Variants in SATB1 observed in about 807,000 individuals in gnomAD.
SATB1 encodes the protein DNA-binding protein SATB1.
Under a neutral mutation model 86.9 loss-of-function variants are expected in SATB1, and 11 were observed. The ratio of observed to expected loss-of-function variants is 0.13; its 90% confidence interval spans 0.08 to 0.21. The LOEUF (loss-of-function observed/expected upper bound fraction) is 0.21. Ranked by LOEUF, SATB1 falls within the 10% of genes least tolerant of loss-of-function variation. The pLI is 1.00. For missense variants in SATB1, 551 were observed against 937.6 expected, an observed-to-expected ratio of 0.59 and a Z score of 5.39; for synonymous variants, 357 against 357.2, an observed-to-expected ratio of 1.00 and a Z score of 0.01.
At chr3:18,418,812 A>T (rs1698243313) in intron 2 of SATB1, among the ~76,000 whole-genome samples, 1 of 152,230 alleles carries the variant, frequency 6.6e-6, no homozygotes, top group South Asian at 2.1e-4. Context: ...AGACTTTAGT[A>T]ATTTTGTTAT....
At position 18,352,484 on chromosome 3, in the gene SATB1, T is replaced by G; in HGVS notation, c.1576-289A>C. 1 of 328,592 alleles carries G rather than the reference T, an allele frequency of 3.0e-6. No individual in the cohort carries two copies. The highest frequency in any genetic ancestry group is 5.7e-6 in the Non-Finnish European group (1 of 174,884). The allele number at this position is 328,592 out of a possible 1,614,324, so 20.4% of individuals were successfully genotyped here. ...ATCACAGATTTTTTAATATATGAAA[T>G]AGGAGAAAAACAAAGTTGATGTGCT... On this transcript the variant is annotated intron_variant, in intron 9 of 10. Transcript: ENST00000338745. This position sits in a 1 kb window ranked among gnomAD's most constrained non-coding sequence, Gnocchi z 4.1.
At position 18,347,573 on chromosome 3, in the gene SATB1, A is replaced by G. The variant is rs1055843527; in HGVS notation, c.*1597T>C. 7.9e-5 allele frequency: 12 copies of G among 152,182 alleles called. No individual in the cohort carries two copies. The highest frequency in any genetic ancestry group is 4.6e-4 in the Admixed American group (7 of 15,272). The allele number at this position is 152,182 out of a possible 1,614,324, so 9.4% of individuals were successfully genotyped here. A position where few individuals can be genotyped will look rare whatever the true frequency, so the allele number is the denominator to read the frequency against. Reference sequence around the variant, plus strand: ...TTGTTACTATTAATGGCCTTTAGAAATATTTATACATTAGCTTAAGGAAAA... The same window carrying G: ...TTGTTACTATTAATGGCCTTTAGAAGTATTTATACATTAGCTTAAGGAAAA... On this transcript the variant is annotated 3_prime_UTR_variant, in exon 11 of 11. Coordinates refer to ENST00000338745, the MANE Select transcript of SATB1 (RefSeq NM_002971.6).
intron 5 of SATB1, among the ~76,000 whole-genome samples, chr3:18,401,899 G>A (rs1325914247): frequency 6.6e-6 from 1 of 152,116 alleles, no homozygotes; most frequent in Admixed American, 6.5e-5. Context: ...ACTCTAGAAT[G>A]ATACCATCTG....
intron 5 of SATB1, chr3:18,409,135 C>T (rs1029947972): frequency 6.6e-6 from 1 of 152,014 alleles, no homozygotes; most frequent in African/African-American, 2.4e-5. Context: ...GTTAAGCACT[C>T]TCTAAATTGG....
At chr3:18,360,781 T>C (rs1437169365) in intron 9 of SATB1, among the ~76,000 whole-genome samples, 1 of 152,130 alleles carries the variant, frequency 6.6e-6, no homozygotes, top group Non-Finnish European at 1.5e-5. Context: ...CAAAAGGTCT[T>C]ATAAACTTTA....
At chr3:18,410,533 A>T (rs776014182) in intron 5 of SATB1, among the ~76,000 whole-genome samples, 1 of 152,032 alleles carries the variant, frequency 6.6e-6, no homozygotes, top group Admixed American at 6.6e-5. Flanking sequence ...GGCGCTCTCG[A>T]TACATCAAAA....
chr3:18,356,372 T>G (rs886259631), intron 9 of SATB1, among the ~76,000 whole-genome samples: 5 of 150,048 alleles, frequency 3.3e-5, no homozygotes, highest in African/African-American at 4.9e-5. Flanking sequence ...TAAATAACAT[T>G]CTTTTGACTG....
chr3:18,388,502 A>G (rs2125213547), intron 7 of SATB1, among the ~76,000 whole-genome samples: 1 of 152,280 alleles, frequency 6.6e-6, no homozygotes, highest in South Asian at 2.1e-4. Context: ...CTTGAGCATA[A>G]TAATCTAATA....
chr3:18,387,490 C>A (rs1404869567), intron 7 of SATB1, among the ~76,000 whole-genome samples: 1 of 152,086 alleles, frequency 6.6e-6, no homozygotes, highest in African/African-American at 2.4e-5. Context: ...AATAACAGAA[C>A]ATCAATTTTC....
chr3:18,351,874 A>C (rs767352888), intron 10 of SATB1, 118 bp downstream of exon 10: 1 of 898,624 alleles, frequency 1.1e-6, no homozygotes, highest in Non-Finnish European at 1.8e-6. Context: ...GTGTATTGTT[A>C]TCTCTTGCTA....
intron 9 of SATB1, among the ~76,000 whole-genome samples, chr3:18,361,405 T>G (rs1170890743): frequency 6.6e-6 from 1 of 152,142 alleles, no homozygotes; most frequent in Non-Finnish European, 1.5e-5. Flanking sequence ...TATTATTATT[T>G]TATTGTTGTT....
chr3:18,435,719 A>C (rs1336916945), intron 2 of SATB1, among the ~76,000 whole-genome samples: 5 of 152,220 alleles, frequency 3.3e-5, no homozygotes, highest in African/African-American at 7.2e-5. Context: ...CAGTAGTAAT[A>C]CAATAATCAG....
chr3:18,445,428 C>T, intron 1 of SATB1: 5 of 985,338 alleles, frequency 5.1e-6, no homozygotes, highest in Non-Finnish European at 6.0e-6. Context: ...AAGACAGGAC[C>T]CTCAGCCTCG....
At chr3:18,402,755 G>A (rs1268788087) in intron 5 of SATB1, among the ~76,000 whole-genome samples, 1 of 152,062 alleles carries the variant, frequency 6.6e-6, no homozygotes, top group Non-Finnish European at 1.5e-5. Context: ...TCAAGGACTT[G>A]CCGATGGTTT....
chr3:18,359,709 A>G (rs1694817094), intron 9 of SATB1, among the ~76,000 whole-genome samples: 1 of 151,820 alleles, frequency 6.6e-6, no homozygotes, highest in Admixed American at 6.6e-5. Context: ...CATTACATAA[A>G]TTTCAGTGAT....
At chr3:18,387,467 T>C (rs1173514695) in intron 7 of SATB1, among the ~76,000 whole-genome samples, 2 of 152,204 alleles carry the variant, frequency 1.3e-5, no homozygotes, top group Non-Finnish European at 2.9e-5. Flanking sequence ...TCTTAAGGTG[T>C]CTTTCCCCCC....
rs185280747 is a variant in SATB1, at chr3:18,358,184, G to A, written c.1576-5989C>T. Among the ~76,000 whole-genome samples the A allele has an allele frequency of 2.6e-5, 4 of 151,902 alleles. No individual in the cohort carries two copies. In the South Asian group the frequency reaches 6.2e-4, roughly 24 times the overall value. ...GGCATTAAAGTTGAGGGCAAGAAGC[G>A]ATGCACTTTTTCTTCTTTCCCATTC... is the stretch of plus-strand genomic sequence containing the variant. On this transcript the variant is annotated intron_variant, in intron 9 of 10. Coordinates refer to ENST00000338745, the MANE Select transcript of SATB1 (RefSeq NM_002971.6).
chr3:18,415,214 A>G lies in SATB1; in HGVS notation c.536T>C (p.Leu179Ser). Residue 179 changes from leucine to serine, a missense_variant, in exon 5 of 11, where the codon TTG (leucine) becomes TCG (serine). By Grantham distance (145) the Leu-to-Ser change is moderately radical. This residue lies in a region of SATB1 where 153 missense variants were observed against 258.1 expected (regional missense o/e 0.59). Coordinates refer to ENST00000338745, the MANE Select transcript of SATB1 (RefSeq NM_002971.6). ...GGTGTGCGACCATTGTTCGGGAGGC[A>G]AGTCTTCTAGTTTGGGGCAACTATT... is the stretch of plus-strand genomic sequence containing the variant. ...QLHSCPKLED[L>S]PPEQWSHTTV... The G allele has an allele frequency of 6.2e-7, 1 of 1,612,930 alleles. No individual in the cohort carries two copies. Among genetic ancestry groups the G allele is most frequent in the Non-Finnish European group, 8.5e-7 (1 of 1,179,166 alleles).
chr3:18,375,576 T>C (rs1695702705), intron 9 of SATB1, among the ~76,000 whole-genome samples: 1 of 152,186 alleles, frequency 6.6e-6, no homozygotes, highest in Non-Finnish European at 1.5e-5. Flanking sequence ...ATTTTGACCA[T>C]TAAAAAGGTC....
Sources: allele counts gnomAD v4.1 joint callset (sites outside exome capture counted in the v4.1 genomes callset), GRCh38; gene constraint gnomAD v4.1.1; regional missense constraint gnomAD v4.1.1; non-coding constraint Gnocchi (gnomAD v3.1); transcripts MANE v1.5; gene names NCBI Gene and HGNC (gene_info 2026-07-23, HGNC 2026-07-21).